The following ARMC6 variants were observed in gnomAD, a reference collection of about 807,000 sequenced individuals.
The protein encoded by ARMC6 is armadillo repeat-containing protein 6.
In ARMC6, 43 loss-of-function variants were observed where a neutral mutation model predicts 49.2. The observed-to-expected ratio is 0.87, with a 90% CI of 0.69 to 1.13. The LOEUF is 1.13. ARMC6 is among the 50% of genes most tolerant of loss of function. The pLI, the probability that ARMC6 is intolerant of heterozygous loss-of-function variation, is 0.00. For synonymous variants in ARMC6, 262 were observed against 289.6 expected, an observed-to-expected ratio of 0.90 and a Z score of 0.97; for missense variants, 627 against 682.0, an observed-to-expected ratio of 0.92 and a Z score of 0.90.
intron 4 of ARMC6, among the ~76,000 whole-genome samples, chr19:19,049,098 G>A (rs1226575596): frequency 7.0e-6 from 1 of 142,700 alleles, no homozygotes; most frequent in Non-Finnish European, 1.5e-5. Context: ...GGTCTCCCCA[G>A]CTAGAGTGCA....
chr19:19,048,814 GAA>G (rs931451271), intron 4 of ARMC6, among the ~76,000 whole-genome samples: 2 of 152,142 alleles, frequency 1.3e-5, no homozygotes, highest in African/African-American at 4.8e-5. Flanking sequence ...ATATGTCAGA[GAA>G]ATATATTTTA....
intron 6 of ARMC6, among the ~76,000 whole-genome samples, chr19:19,054,915 C>T (rs116350143): frequency 0.016 from 2,412 of 152,256 alleles, 68 homozygotes; most frequent in African/African-American, 0.055. Context: ...GGTTCTCCAT[C>T]GGGGGATCAG....
At chr19:19,044,134 C>T in intron 4 of ARMC6, 60 bp downstream of exon 4, 1 of 1,507,830 alleles carries the variant, frequency 6.6e-7, no homozygotes, top group Non-Finnish European at 9.2e-7. Flanking sequence ...GGCACCTCTT[C>T]CCTGTTTCCT....
In ARMC6 at chr19:19,054,215, G is replaced by T. The variant is rs762441082; in HGVS notation, c.917G>T (p.Arg306Leu). The T allele has an allele frequency of 3.7e-6, 6 of 1,611,646 alleles. No homozygotes were observed. Among genetic ancestry groups the T allele is most frequent in the Non-Finnish European group, 4.2e-6 (5 of 1,178,980 alleles). The change falls in exon 6 of 9, where the codon CGC (arginine) becomes CTC (leucine). Residue 306 changes from arginine (R) to leucine (L), a missense_variant. Arg to Leu is a moderately radical substitution (Grantham distance 102). Transcript: ENST00000535612. The part of the protein sequence containing the change: ...LCGTLSRLAI[R>L]NEFCQEVVDL... ...GGAACCCTGTCCCGCCTGGCCATTC[G>T]CAACGAGTTCTGCCAGGAGGTCGTC...
At chr19:19,042,354 G>T (rs1354722250) in intron 2 of ARMC6, among the ~76,000 whole-genome samples, 2 of 150,474 alleles carry the variant, frequency 1.3e-5, no homozygotes, top group Non-Finnish European at 3.0e-5. Context: ...CCTACACTTT[G>T]TTTTTTTTTC....
At chr19:19,052,635 A>G (rs1168974952) in intron 5 of ARMC6, among the ~76,000 whole-genome samples, 43 of 152,174 alleles carry the variant, frequency 2.8e-4, no homozygotes, top group Admixed American at 2.8e-3. Context: ...CAGGGTGACC[A>G]TGGTGAGCCA....
intron 4 of ARMC6, among the ~76,000 whole-genome samples, chr19:19,048,563 C>CTATCTAGATATTCTAT (rs1384812981): frequency 5.3e-5 from 8 of 151,394 alleles, no homozygotes; most frequent in Admixed American, 2.0e-4. Context: ...TATCTAAAGA[C>CTATCTAGATATTCTAT]CTAGAATCAA....
chr19:19,040,615 G>A (rs1308388121), intron 2 of ARMC6: 1 of 265,014 alleles, frequency 3.8e-6, no homozygotes, highest in South Asian at 2.9e-5. Context: ...AGAAGCCTGA[G>A]CTGTATTTGT....
rs1270713147 is a variant in ARMC6, at chr19:19,058,139, A to G, written c.*511A>G. ...TCTGTCTCTGGGTCCTGGGCCAGCC[A>G]GGATACCTGATAATAAAAGATCATT... On this transcript the variant is annotated 3_prime_UTR_variant, in exon 9 of 9. Transcript: ENST00000535612. 5.4e-6 allele frequency: 1 copy of G among 185,992 alleles called. No individual in the cohort carries two copies. The highest frequency in any genetic ancestry group is 1.1e-5 in the Non-Finnish European group (1 of 88,852). 11.5% of individuals were successfully genotyped at this position (185,992 alleles called of 1,614,324 possible).
At position 19,043,985 on chromosome 19, in the gene ARMC6, C is replaced by A. The variant is rs188245132; in HGVS notation, c.197-7C>A. ...CCCTGTGTGCTTGCTTCCCCCACCC[C>A]CAACAGGGGTTGATCTGAGCAACAT... On this transcript the variant is annotated splice_polypyrimidine_tract_variant and splice_region_variant and intron_variant, in intron 3 of 8. Transcript: ENST00000535612. 11 of 1,613,732 alleles carry A rather than the reference C, an allele frequency of 6.8e-6. No individual in the cohort carries two copies. The African/African-American group carries it at 1.5e-4, about 22-fold the overall frequency.
intron 2 of ARMC6, among the ~76,000 whole-genome samples, chr19:19,035,549 T>C (rs973075731): frequency 5.3e-5 from 8 of 152,218 alleles, no homozygotes; most frequent in African/African-American, 1.9e-4. Flanking sequence ...GTACCAGATC[T>C]AGGGGACCTT....
At chr19:19,042,687 T>G in intron 2 of ARMC6, 24 bp from the exon 3 acceptor site, 1 of 1,609,890 alleles carries the variant, frequency 6.2e-7, no homozygotes, top group Non-Finnish European at 8.5e-7. Flanking sequence ...TTGAGGTAGC[T>G]CTCTCTTTGC....
chr19:19,039,335 C>G (rs1173149761), intron 2 of ARMC6: 2 of 452,222 alleles, frequency 4.4e-6, no homozygotes, highest in Non-Finnish European at 8.9e-6. Flanking sequence ...CGGGGCCTTA[C>G]TATGTTGTCC....
intron 2 of ARMC6, chr19:19,040,928 C>T (rs2059407335): frequency 4.6e-6 from 1 of 217,632 alleles, no homozygotes; most frequent in South Asian, 4.2e-5. Flanking sequence ...CTCACAAGAC[C>T]CCAGCGTTAC....
At position 19,055,696 on chromosome 19, in the gene ARMC6, G is replaced by T; in HGVS notation, c.1156-95G>T. 2.7e-6 allele frequency: 4 copies of T among 1,478,646 alleles called. No individual in the cohort carries two copies. The South Asian group carries it at 4.0e-5, about 15-fold the overall frequency. 91.6% of individuals were successfully genotyped at this position (1,478,646 alleles called of 1,614,324 possible). A position where few individuals can be genotyped will look rare whatever the true frequency, so the allele number is the denominator to read the frequency against. ...GTTGCCAGAGACCCACGGAGGGGAG[G>T]CCGCAGGGTGTTCACCAGGGGTTGG... On this transcript the variant is annotated intron_variant, in intron 7 of 8. Transcript: ENST00000535612. This position sits in a 1 kb window ranked among gnomAD's most constrained non-coding sequence, Gnocchi z 5.7.
Position 19,034,142 on chromosome 19 carries a change from T to C in ARMC6, c.-68T>C. The C allele has an allele frequency of 9.2e-7, 1 of 1,083,036 alleles. No homozygotes were observed. The highest frequency in any genetic ancestry group is 1.4e-6 in the Non-Finnish European group (1 of 719,868). 67.1% of individuals were successfully genotyped at this position (1,083,036 alleles called of 1,614,324 possible). On this transcript the variant is annotated 5_prime_UTR_variant, in exon 2 of 9. Transcript: ENST00000535612. ...ATTTATTCATTCAGCACCTGTGCAC[T>C]GAGTGCCTGCTGCGTGTCGGGCCCC...
At chr19:19,039,799 G>A (rs570736262) in intron 2 of ARMC6, among the ~76,000 whole-genome samples, 2 of 152,204 alleles carry the variant, frequency 1.3e-5, no homozygotes, top group East Asian at 1.9e-4. Flanking sequence ...GGTAGACTCC[G>A]TCTCCTTTTC....
chr19:19,038,050 T>G (rs2059384105), intron 2 of ARMC6, among the ~76,000 whole-genome samples: 1 of 152,174 alleles, frequency 6.6e-6, no homozygotes, highest in African/African-American at 2.4e-5. Flanking sequence ...AGCATTAAAT[T>G]ATAGGAGCAC....
intron 4 of ARMC6, among the ~76,000 whole-genome samples, chr19:19,049,059 A>ATTT (rs67876712): frequency 1.4e-4 from 17 of 124,930 alleles, no homozygotes; most frequent in Non-Finnish European, 1.5e-4. Context: ...GAGGACTTAG[A>ATTT]TTTTTTTTTT....
Sources: allele counts gnomAD v4.1 joint callset (sites outside exome capture counted in the v4.1 genomes callset), GRCh38; gene constraint gnomAD v4.1.1; non-coding constraint Gnocchi (gnomAD v3.1); transcripts MANE v1.5; gene names NCBI Gene and HGNC (gene_info 2026-07-23, HGNC 2026-07-21).